Variants in ADAMTS19 observed in about 807,000 individuals in gnomAD.
ADAMTS19 encodes the protein A disintegrin and metalloproteinase with thrombospondin motifs 19.
A neutral mutation model predicts 153.3 loss-of-function variants in ADAMTS19; 93 were observed. The ratio of observed to expected loss-of-function variants is 0.61; its 90% CI spans 0.51 to 0.72. The LOEUF is 0.72. ADAMTS19 is among the 30% of genes least tolerant of loss of function. The pLI, the probability that ADAMTS19 is intolerant of heterozygous loss-of-function variation, is 0.00. For missense variants in ADAMTS19, 1,482 were observed against 1,552.1 expected (o/e 0.95, Z 0.76); for synonymous variants, 600 against 556.6 (o/e 1.08, Z -1.10).
chr5:129,491,143 G>C (rs1216083197), intron 2 of ADAMTS19, among the ~76,000 whole-genome samples: 1 of 151,834 alleles, frequency 6.6e-6, no homozygotes, highest in African/African-American at 2.4e-5. Flanking sequence ...CTGGGACTAC[G>C]GGTGCCCACC....
chr5:129,476,239 A>G lies in ADAMTS19; in HGVS notation c.747+14482A>G, dbSNP rs200165571. On this transcript the variant is annotated intron_variant, in intron 2 of 22. Coordinates refer to ENST00000274487, the MANE Select transcript of ADAMTS19 (RefSeq NM_133638.6). ...CAGTATTTAAAATGAACAATTTCAA[A>G]CCACTAACAAGATTTAAATTCCATA... is the stretch of plus-strand genomic sequence containing the variant. Among the ~76,000 whole-genome samples, 33 of 152,282 alleles carry G rather than the reference A, an allele frequency of 2.2e-4. 1 individual carries two copies. The East Asian group carries it at 3.9e-3, about 18-fold the overall frequency.
chr5:129,574,730 T>C (rs1754040773), intron 7 of ADAMTS19, among the ~76,000 whole-genome samples: 1 of 151,948 alleles, frequency 6.6e-6, no homozygotes, highest in Non-Finnish European at 1.5e-5. Flanking sequence ...TGGATGTATA[T>C]ATAAATTCTT....
At chr5:129,579,228 C>T (rs1344489009) in intron 7 of ADAMTS19, among the ~76,000 whole-genome samples, 1 of 152,196 alleles carries the variant, frequency 6.6e-6, no homozygotes, top group Non-Finnish European at 1.5e-5. Flanking sequence ...TTGTTGGTCA[C>T]ATAAATGTCT....
intron 21 of ADAMTS19, among the ~76,000 whole-genome samples, chr5:129,711,581 G>A (rs1250659040): frequency 3.9e-5 from 6 of 151,992 alleles, no homozygotes; most frequent in African/African-American, 1.4e-4. Flanking sequence ...GTAGGCTGAG[G>A]CAGAAAATTG....
At chr5:129,553,128 G>T (rs1252148959) in intron 7 of ADAMTS19, among the ~76,000 whole-genome samples, 1 of 152,082 alleles carries the variant, frequency 6.6e-6, no homozygotes, top group African/African-American at 2.4e-5. Context: ...AGTAAAGCTT[G>T]TCTCAAAATA....
At position 129,702,941 on chromosome 5, in the gene ADAMTS19, A is replaced by AAAAATATAT; in HGVS notation, c.3160-1297_3160-1296insAAATATATA. Among the ~76,000 whole-genome samples the AAAAATATAT allele has an allele frequency of 1.5e-3, 44 of 29,282 alleles. No individual in the cohort carries two copies. The East Asian group carries it at 0.023, about 15-fold the overall frequency. The allele number at this position is 29,282 out of a possible 152,430, so 19.2% of individuals were successfully genotyped here. On this transcript the variant is annotated intron_variant, in intron 20 of 22. Coordinates refer to ENST00000274487, the MANE Select transcript of ADAMTS19 (RefSeq NM_133638.6). ...TAGTTTGACTTGCCAAAAAAAAAAAAATATATATATATATATATATATATA... is the reference window on the plus strand; with the variant it reads ...TAGTTTGACTTGCCAAAAAAAAAAAAAAAATATATATATATATATATATATATATATATA...
At chr5:129,499,764 T>C in intron 2 of ADAMTS19, among the ~76,000 whole-genome samples, 1 of 152,166 alleles carries the variant, frequency 6.6e-6, no homozygotes, top group South Asian at 2.1e-4. Flanking sequence ...TGTTTTTGAA[T>C]ATGAATCTAG....
intron 8 of ADAMTS19, among the ~76,000 whole-genome samples, chr5:129,619,425 A>G (rs746121394): frequency 2.6e-5 from 4 of 152,002 alleles, no homozygotes; most frequent in Non-Finnish European, 5.9e-5. Context: ...CTAAGTAACA[A>G]TTAACTGCAA....
At chr5:129,625,536 G>A (rs1751993563) in intron 10 of ADAMTS19, among the ~76,000 whole-genome samples, 1 of 152,140 alleles carries the variant, frequency 6.6e-6, no homozygotes, top group Non-Finnish European at 1.5e-5. Flanking sequence ...ATTCTAACTG[G>A]TGTGAGATGG....
intron 8 of ADAMTS19, among the ~76,000 whole-genome samples, chr5:129,608,099 T>C (rs1232126658): frequency 1.4e-3 from 88 of 62,358 alleles, no homozygotes; most frequent in African/African-American, 4.3e-3. Context: ...TATGTGTGTG[T>C]GTGTGTGTGT....
At chr5:129,610,124 T>C (rs547427517) in intron 8 of ADAMTS19, among the ~76,000 whole-genome samples, 7 of 151,410 alleles carry the variant, frequency 4.6e-5, no homozygotes, top group African/African-American at 1.7e-4. Flanking sequence ...TTATTTAAAA[T>C]TAACCAGAAA....
At chr5:129,565,599 G>C (rs189218282) in intron 7 of ADAMTS19, among the ~76,000 whole-genome samples, 4 of 152,204 alleles carry the variant, frequency 2.6e-5, no homozygotes, top group Admixed American at 2.6e-4. Context: ...TGCCTAAAAT[G>C]ATCCTATTTA....
At position 129,540,552 on chromosome 5, in the gene ADAMTS19, GC is replaced by G. The variant is rs1207776403; in HGVS notation, c.1329-11311del. Among the ~76,000 whole-genome samples the G allele has an allele frequency of 2.0e-5, 3 of 152,106 alleles. No individual in the cohort carries two copies. In the East Asian group the frequency reaches 5.8e-4, roughly 29 times the overall value. ...CTTTGCCTTTCCTATTTGCAGAAATGCTTTTGGTTTACGTATAATACATGTG... is the reference window on the plus strand; with the variant it reads ...CTTTGCCTTTCCTATTTGCAGAAATGTTTTGGTTTACGTATAATACATGTG... On this transcript the variant is annotated intron_variant, in intron 6 of 22. Coordinates refer to ENST00000274487, the MANE Select transcript of ADAMTS19 (RefSeq NM_133638.6).
chr5:129,673,468 T>A (rs1754404936), intron 16 of ADAMTS19, among the ~76,000 whole-genome samples: 1 of 152,164 alleles, frequency 6.6e-6, no homozygotes, highest in African/African-American at 2.4e-5. Flanking sequence ...AAAATAGATA[T>A]ATTGTTACTG....
intron 2 of ADAMTS19, among the ~76,000 whole-genome samples, chr5:129,478,803 G>C (rs576743428): frequency 6.6e-6 from 1 of 152,164 alleles, no homozygotes; most frequent in East Asian, 1.9e-4. Flanking sequence ...TCATCTCCCA[G>C]AGTACTGGGA....
chr5:129,463,388 G>A (rs950848464), intron 2 of ADAMTS19, among the ~76,000 whole-genome samples: 4 of 152,108 alleles, frequency 2.6e-5, no homozygotes, highest in East Asian at 3.9e-4. Flanking sequence ...AGAACTTAAA[G>A]TATTTATAAA....
intron 2 of ADAMTS19, among the ~76,000 whole-genome samples, chr5:129,498,385 A>G (rs762243614): frequency 1.3e-5 from 2 of 152,066 alleles, no homozygotes; most frequent in Non-Finnish European, 2.9e-5. Flanking sequence ...TTGTGGTACT[A>G]AGTATTCTAG....
chr5:129,724,003 A>G (rs80179244), intron 21 of ADAMTS19, among the ~76,000 whole-genome samples: 2,987 of 152,314 alleles, frequency 0.02, 84 homozygotes, highest in African/African-American at 0.066. Flanking sequence ...GAGTGTGTCT[A>G]GGTTAAGATA....
chr5:129,545,480 T>A (rs1752822592), intron 6 of ADAMTS19, among the ~76,000 whole-genome samples: 1 of 152,182 alleles, frequency 6.6e-6, no homozygotes, highest in African/African-American at 2.4e-5. Context: ...GAATGGAATG[T>A]CGGAGGGATT....
Sources: allele counts gnomAD v4.1 joint callset (sites outside exome capture counted in the v4.1 genomes callset), GRCh38; gene constraint gnomAD v4.1.1; transcripts MANE v1.5; gene names NCBI Gene and HGNC (gene_info 2026-07-23, HGNC 2026-07-21).